Variants in FER observed in about 807,000 individuals in gnomAD.
The protein encoded by FER is FER tyrosine kinase.
In FER, 63 loss-of-function variants were observed where a neutral mutation model predicts 111.0. The ratio of observed to expected loss-of-function variants is 0.57; its 90% CI spans 0.46 to 0.70. FER has a LOEUF of 0.70. Among genes scored for constraint, FER ranks in the 30% least tolerant of loss-of-function variants. FER has a pLI of 0.00. For synonymous variants in FER, 327 were observed against 313.9 expected, an observed-to-expected ratio of 1.04 and a Z score of -0.44; for missense variants, 914 against 954.0, an observed-to-expected ratio of 0.96 and a Z score of 0.55.
intron 5 of FER, 38 bp from the exon 6 acceptor site, chr5:108,867,729 T>A (rs753199216): frequency 1.9e-6 from 3 of 1,569,802 alleles, no homozygotes; most frequent in Admixed American, 3.9e-5. Flanking sequence ...TTTTTTCTTA[T>A]CTCTTTACTA....
At chr5:109,140,545 A>C (rs1753414558) in intron 17 of FER, among the ~76,000 whole-genome samples, 1 of 152,230 alleles carries the variant, frequency 6.6e-6, no homozygotes, top group Non-Finnish European at 1.5e-5. Flanking sequence ...GTCATCAGAA[A>C]GCTATTAATG....
chr5:109,186,383 T>C, intron 19 of FER, 61 bp downstream of exon 19: 1 of 1,612,580 alleles, frequency 6.2e-7, no homozygotes. Flanking sequence ...GCAGTGCTTA[T>C]AGTGTGTCTG....
intron 13 of FER, among the ~76,000 whole-genome samples, chr5:108,983,921 CCTCT>C (rs1322964469): frequency 1.3e-5 from 2 of 149,732 alleles, no homozygotes; most frequent in Non-Finnish European, 2.9e-5. Context: ...GCTCTATCAT[CCTCT>C]CTCTCTTTCT....
chr5:108,837,961 ATTTCT>A lies in FER; in HGVS notation c.481+2155_481+2159del, dbSNP rs1370767334. Among the ~76,000 whole-genome samples, 86 of 152,266 alleles carry A rather than the reference ATTTCT, an allele frequency of 5.6e-4. No homozygotes were observed. In the East Asian group the frequency reaches 0.016, roughly 28 times the overall value. ...GTATTTTTCTGTTTTCAAGAATTTG[ATTTCT>A]CACATTAAATCCTACAGAATATATA... is the stretch of plus-strand genomic sequence containing the variant. On this transcript the variant is annotated intron_variant, in intron 5 of 19. Transcript: ENST00000281092.
intron 5 of FER, among the ~76,000 whole-genome samples, chr5:108,864,488 C>A (rs193221933): frequency 6.6e-6 from 1 of 152,128 alleles, no homozygotes; most frequent in African/African-American, 2.4e-5. Flanking sequence ...CAGATGGTTG[C>A]TGAGCCTAAG....
chr5:109,012,889 G>C (rs934453512), intron 13 of FER, among the ~76,000 whole-genome samples: 3 of 152,066 alleles, frequency 2.0e-5, no homozygotes, highest in Non-Finnish European at 4.4e-5. Context: ...AGTCATACTT[G>C]ATAGACTTAA....
At chr5:109,015,704 AAATGGAATCATGAG>A (rs1423428389) in intron 13 of FER, among the ~76,000 whole-genome samples, 1 of 152,176 alleles carries the variant, frequency 6.6e-6, no homozygotes, top group East Asian at 1.9e-4. Context: ...ATTCAAAATT[AAATGGAATCATGAG>A]CAACCCTATA....
intron 10 of FER, among the ~76,000 whole-genome samples, chr5:108,907,418 C>T (rs956734859): frequency 2.0e-5 from 3 of 151,910 alleles, no homozygotes; most frequent in Non-Finnish European, 4.4e-5. Flanking sequence ...CTCAGCCTTC[C>T]GAGTAGCTGG....
intron 3 of FER, among the ~76,000 whole-genome samples, chr5:108,801,054 A>G (rs1487330319): frequency 1.3e-5 from 2 of 152,212 alleles, no homozygotes; most frequent in Non-Finnish European, 2.9e-5. Flanking sequence ...CTCACAAAAA[A>G]AAATCTTTGC....
rs569008491 is a variant in FER at position 109,002,256 on chromosome 5, G to T, written c.1657-35166G>T. 7.7e-3 allele frequency among the ~76,000 whole-genome samples: 1,168 copies of T among 152,076 alleles called. 11 individuals carry two copies. The highest frequency in any genetic ancestry group is 0.027 in the African/African-American group (1,139 of 41,474). On this transcript the variant is annotated intron_variant, in intron 13 of 19. Coordinates refer to ENST00000281092, the MANE Select transcript of FER (RefSeq NM_005246.4). ...GGCTACAGTAACCAAAACAGCATGGGACTGGTACCAAAGCGGAGATATAGA... is the reference window on the plus strand; with the variant it reads ...GGCTACAGTAACCAAAACAGCATGGTACTGGTACCAAAGCGGAGATATAGA...
At chr5:109,137,232 A>G (rs972050202) in intron 17 of FER, among the ~76,000 whole-genome samples, 15 of 152,154 alleles carry the variant, frequency 9.9e-5, no homozygotes, top group African/African-American at 2.9e-4. Flanking sequence ...CTTAGATCCT[A>G]CTGTAAGACT....
chr5:109,021,361 C>T (rs1198018357), intron 13 of FER, among the ~76,000 whole-genome samples: 3 of 151,914 alleles, frequency 2.0e-5, no homozygotes, highest in South Asian at 4.1e-4. Flanking sequence ...CTTCTATGTA[C>T]ATTATTTTTA....
At chr5:108,905,406 C>T (rs961871727) in intron 10 of FER, among the ~76,000 whole-genome samples, 2 of 151,794 alleles carry the variant, frequency 1.3e-5, no homozygotes, top group Admixed American at 1.3e-4. Flanking sequence ...AACTAACTGG[C>T]CAGGGGTGAA....
At chr5:108,921,335 G>GGTAT (rs1001888237) in intron 10 of FER, among the ~76,000 whole-genome samples, 4 of 151,884 alleles carry the variant, frequency 2.6e-5, no homozygotes, top group Non-Finnish European at 4.4e-5. Context: ...ATTTGATTAT[G>GGTAT]GTATGTATGT....
At chr5:109,124,772 C>G (rs572643086) in intron 17 of FER, among the ~76,000 whole-genome samples, 1 of 152,082 alleles carries the variant, frequency 6.6e-6, no homozygotes. Context: ...TTGGGCCGGG[C>G]GCGGTGGCTC....
intron 2 of FER, among the ~76,000 whole-genome samples, chr5:108,772,766 C>T (rs958642880): frequency 2.4e-4 from 36 of 152,176 alleles, no homozygotes; most frequent in Admixed American, 8.5e-4. Context: ...AATTGAAATT[C>T]AAGGCGTTCC....
chr5:109,142,291 C>A (rs1753608764), intron 17 of FER, among the ~76,000 whole-genome samples: 1 of 152,104 alleles, frequency 6.6e-6, no homozygotes, highest in Non-Finnish European at 1.5e-5. Flanking sequence ...CATTTGAAAA[C>A]TCAGTTCCAC....
intron 11 of FER, among the ~76,000 whole-genome samples, chr5:108,950,288 A>G (rs952813370): frequency 6.6e-6 from 1 of 152,196 alleles, no homozygotes; most frequent in Admixed American, 6.5e-5. Context: ...TATAGTTACT[A>G]TCCTAGAGAA....
intron 17 of FER, among the ~76,000 whole-genome samples, chr5:109,107,041 G>C (rs1255000711): frequency 1.3e-5 from 2 of 152,124 alleles, no homozygotes; most frequent in African/African-American, 4.8e-5. Flanking sequence ...TTGAGAGTGA[G>C]AGGAGAAGGA....
Sources: allele counts gnomAD v4.1 joint callset (sites outside exome capture counted in the v4.1 genomes callset), GRCh38; gene constraint gnomAD v4.1.1; transcripts MANE v1.5; gene names NCBI Gene and HGNC (gene_info 2026-07-23, HGNC 2026-07-21).